Variants in RGP1 observed in about 807,000 individuals in gnomAD.
RGP1 encodes RGP1 partner of RAB6A GEF complex, also known as RAB6A-GEF complex partner protein 2.
In RGP1, 28 loss-of-function variants were observed where a neutral mutation model predicts 44.5. That is an observed-to-expected ratio of 0.63 (90% CI 0.47 to 0.86). The LOEUF is 0.86. Among genes scored for constraint, RGP1 ranks in the 40% least tolerant of loss-of-function variants. The pLI is 0.00. For synonymous variants in RGP1, 212 were observed against 196.7 expected (o/e 1.08, Z -0.65); for missense variants, 417 against 490.7 (o/e 0.85, Z 1.42).
the RGP1 span, among the ~76,000 whole-genome samples, chr9:35,788,851 T>A: frequency 6.6e-6 from 1 of 152,178 alleles, no homozygotes; most frequent in African/African-American, 2.4e-5. Context: ...AAGTTCTCAT[T>A]TATTTAATAT....
Position 35,753,691 on chromosome 9 carries a change from G to T in RGP1, c.*817G>T. 6 of 1,614,126 alleles carry T rather than the reference G, an allele frequency of 3.7e-6. No individual in the cohort carries two copies. The highest frequency in any genetic ancestry group is 1.1e-5 in the South Asian group (1 of 91,060). On this transcript the variant is annotated 3_prime_UTR_variant, in exon 9 of 9. Transcript: ENST00000378078. The surrounding 1 kb of genome is among the most constrained non-coding windows in gnomAD (Gnocchi z 4.2). ...CAGCAGCCCACGCCAACAGGATGCA[G>T]ACAGGTGCAATGGAAACAGTCCTTG...
intron 6 of RGP1, 88 bp from the exon 7 acceptor site, chr9:35,751,539 A>G: frequency 6.2e-7 from 1 of 1,601,618 alleles, no homozygotes; most frequent in Non-Finnish European, 8.5e-7. Context: ...AATTTTAAAG[A>G]AAAGCCCCAT....
the RGP1 span, among the ~76,000 whole-genome samples, chr9:35,779,240 C>T: frequency 6.6e-6 from 1 of 152,152 alleles, no homozygotes; most frequent in African/African-American, 2.4e-5. Flanking sequence ...ACCCCACCTC[C>T]ATTCCCAGGC....
In RGP1 at chr9:35,753,910, G is replaced by A. The variant is rs1393608144; in HGVS notation, c.*1036G>A. ...CTGTTTCACAGCTGGAGGAAGCCTG[G>A]GTATTTTGACACGGGATCATCTGTA... On this transcript the variant is annotated 3_prime_UTR_variant, in exon 9 of 9. Transcript: ENST00000378078. This position sits in a 1 kb window ranked among gnomAD's most constrained non-coding sequence, Gnocchi z 4.2. The A allele has an allele frequency of 1.1e-4, 168 of 1,555,744 alleles. 1 individual carries two copies. Among genetic ancestry groups the A allele is most frequent in the Non-Finnish European group, 1.4e-4 (165 of 1,144,652 alleles).
Position 35,753,588 on chromosome 9 carries a change from C to G in RGP1, c.*714C>G. ...CTGTTCATTCTTACATCACAGCAAT[C>G]TAGTCACTCCCTGGTCATCCCTCAG... On this transcript the variant is annotated 3_prime_UTR_variant, in exon 9 of 9. Transcript: ENST00000378078. The surrounding 1 kb of genome is among the most constrained non-coding windows in gnomAD (Gnocchi z 4.2). The G allele has an allele frequency of 1.6e-6, 2 of 1,282,668 alleles. No homozygotes were observed. Among genetic ancestry groups the G allele is most frequent in the East Asian group, 4.9e-5 (2 of 40,890 alleles). The allele number at this position is 1,282,668 out of a possible 1,614,324, so 79.5% of individuals were successfully genotyped here. A position where few individuals can be genotyped will look rare whatever the true frequency, so the allele number is the denominator to read the frequency against.
In RGP1 at chr9:35,750,755, C is replaced by G. The variant is rs368922738; in HGVS notation, c.337+14C>G. On this transcript the variant is annotated intron_variant, in intron 4 of 8. Coordinates refer to ENST00000378078, the MANE Select transcript of RGP1 (RefSeq NM_001080496.3). The stretch of plus-strand genomic sequence containing the variant: ...AGTCCAAATCATGTGAGTGATTGTC[C>G]CCATCCCTGAATTGCCTTCTAAGTC... 3 of 1,613,824 alleles carry G rather than the reference C, an allele frequency of 1.9e-6. No homozygotes were observed. Among genetic ancestry groups the G allele is most frequent in the South Asian group, 2.2e-5 (2 of 91,082 alleles).
In RGP1 at chr9:35,753,572, C is replaced by T. The variant is rs2132036652; in HGVS notation, c.*698C>T. 1 of 1,138,152 alleles carries T rather than the reference C, an allele frequency of 8.8e-7. No individual in the cohort carries two copies. The highest frequency in any genetic ancestry group is 2.5e-5 in the East Asian group (1 of 39,426). The allele number at this position is 1,138,152 out of a possible 1,614,324, so 70.5% of individuals were successfully genotyped here. A position where few individuals can be genotyped will look rare whatever the true frequency, so the allele number is the denominator to read the frequency against. ...ATCTTGTATTGCTCTTCTGTTCATTCTTACATCACAGCAATCTAGTCACTC... is the reference window on the plus strand; with the variant it reads ...ATCTTGTATTGCTCTTCTGTTCATTTTTACATCACAGCAATCTAGTCACTC... On this transcript the variant is annotated 3_prime_UTR_variant, in exon 9 of 9. Transcript: ENST00000378078. This position sits in a 1 kb window ranked among gnomAD's most constrained non-coding sequence, Gnocchi z 4.2.
chr9:35,754,389 T>C lies in RGP1; in HGVS notation c.*1515T>C. The C allele has an allele frequency of 2.9e-6, 1 of 350,144 alleles. No homozygotes were observed. The allele number at this position is 350,144 out of a possible 1,614,324, so 21.7% of individuals were successfully genotyped here. A position where few individuals can be genotyped will look rare whatever the true frequency, so the allele number is the denominator to read the frequency against. ...GGTGAGGGCATGAAAACAAGAGGTC[T>C]AGCTTTAACAAGCTGTGAGAGCTGA... On this transcript the variant is annotated 3_prime_UTR_variant, in exon 9 of 9. Coordinates refer to ENST00000378078, the MANE Select transcript of RGP1 (RefSeq NM_001080496.3).
the RGP1 span, among the ~76,000 whole-genome samples, chr9:35,776,811 C>T: frequency 1.8e-3 from 272 of 151,622 alleles, 1 homozygote; most frequent in South Asian, 2.7e-3. Flanking sequence ...CTGGCTAACA[C>T]GGTGAAACCT....
At chr9:35,769,751 A>C in the RGP1 span, among the ~76,000 whole-genome samples, 2 of 152,164 alleles carry the variant, frequency 1.3e-5, no homozygotes, top group Admixed American at 1.3e-4. Context: ...ATGTGACGTG[A>C]GATGAGGCTG....
At chr9:35,782,562 C>G in the RGP1 span, among the ~76,000 whole-genome samples, 1 of 152,216 alleles carries the variant, frequency 6.6e-6, no homozygotes, top group African/African-American at 2.4e-5. Flanking sequence ...TTCTCCTGCT[C>G]AGTCTCCCAA....
rs992875602 is a variant in RGP1 at position 35,758,581 on chromosome 9, A to AG, written c.*5707_*5708insG. ...CAAATCTGGGTCAATTAATGAAAAA[A>AG]AAAAGAAAAGAAAAGAAAATGTCTT... is the stretch of plus-strand genomic sequence containing the variant. On this transcript the variant is annotated 3_prime_UTR_variant, in exon 9 of 9. Coordinates refer to ENST00000378078, the MANE Select transcript of RGP1 (RefSeq NM_001080496.3). The AG allele has an allele frequency of 3.9e-5, 6 of 152,042 alleles. No homozygotes were observed. The highest frequency in any genetic ancestry group is 9.7e-5 in the African/African-American group (4 of 41,370). The allele number at this position is 152,042 out of a possible 1,614,324, so 9.4% of individuals were successfully genotyped here. A position where few individuals can be genotyped will look rare whatever the true frequency, so the allele number is the denominator to read the frequency against.
In RGP1 at chr9:35,750,982, G is replaced by A; in HGVS notation, c.480G>A (p.Val160=). ...TCAGAGTCCCTCTGAGGGTTCTTGT[G>A]CTGACTGGTAAGCAAGGGCTCCTGG... ...TLLRVPLRVL[V]LTGLQDVRFP... The change falls in exon 5 of 9, where the codon GTG becomes GTA. Residue 160 remains valine, a synonymous_variant. Coordinates refer to ENST00000378078, the MANE Select transcript of RGP1 (RefSeq NM_001080496.3). 6.2e-7 allele frequency: 1 copy of A among 1,613,702 alleles called. No individual in the cohort carries two copies. Among genetic ancestry groups the A allele is most frequent in the Non-Finnish European group, 8.5e-7 (1 of 1,179,880 alleles).
chr9:35,751,029 G>A (rs752226717), intron 5 of RGP1, 40 bp downstream of exon 5: 16 of 1,606,890 alleles, frequency 1.0e-5, no homozygotes, highest in African/African-American at 5.3e-5. Context: ...GGGGAAGGGC[G>A]ATGCCAAAGC....
chr9:35,749,828 A>G lies in RGP1; in HGVS notation c.73A>G (p.Thr25Ala). 6.2e-7 allele frequency: 1 copy of G among 1,613,758 alleles called. No homozygotes were observed. The highest frequency in any genetic ancestry group is 8.5e-7 in the Non-Finnish European group (1 of 1,179,774). Residue 25 changes from threonine to alanine, a missense_variant, in exon 2 of 9, where the codon ACC becomes GCC. Physicochemically the swap from Thr to Ala is moderately conservative, Grantham distance 58. Coordinates refer to ENST00000378078, the MANE Select transcript of RGP1 (RefSeq NM_001080496.3). This position sits in a 1 kb window ranked among gnomAD's most constrained non-coding sequence, Gnocchi z 4.4. ...TGGGGAGGCGCTGGAGTGTGTAGTG[A>G]CCGTCACCAACCCCCTTCCGCCCAC... ...LAGEALECVVTVTNPLPPTAT... is the reference protein window; with the variant it reads ...LAGEALECVVAVTNPLPPTAT...
the RGP1 span, among the ~76,000 whole-genome samples, chr9:35,774,882 T>A: frequency 6.6e-6 from 1 of 151,570 alleles, no homozygotes; most frequent in Non-Finnish European, 1.5e-5. Context: ...TCATCCCAAA[T>A]TTTGGTGGGG....
rs1399813624 is a variant in RGP1 at position 35,750,723 on chromosome 9, C to T, written c.319C>T (p.Pro107Ser). ...TCTATTCTGTGACCTGAGGCTTGATCCTGGAGAGTCCAAATCATGTGAGTG... is the reference window on the plus strand; with the variant it reads ...TCTATTCTGTGACCTGAGGCTTGATTCTGGAGAGTCCAAATCATGTGAGTG... ...KILFCDLRLD[P>S]GESKSYSYSE... Residue 107 changes from proline to serine, a missense_variant, in exon 4 of 9, where the codon CCT becomes TCT. By Grantham distance (74) the Pro-to-Ser change is moderately conservative. Transcript: ENST00000378078. The T allele has an allele frequency of 2.5e-6, 4 of 1,613,860 alleles. No homozygotes were observed. In the East Asian group the frequency reaches 6.7e-5, roughly 27 times the overall value.
the RGP1 span, among the ~76,000 whole-genome samples, chr9:35,789,329 CTTTTTTTTTTT>C: frequency 6.5e-5 from 9 of 137,674 alleles, no homozygotes; most frequent in Non-Finnish European, 1.4e-4. Context: ...CTTCCACTTC[CTTTTTTTTTTT>C]TTTTTTTTTT....
chr9:35,761,215 A>G (rs1827413481), downstream of RGP1, among the ~76,000 whole-genome samples: 1 of 152,238 alleles, frequency 6.6e-6, no homozygotes, highest in African/African-American at 2.4e-5. Flanking sequence ...TGGAATCAGG[A>G]TGCTTCTCTT....
Sources: gnomAD v4.1 joint callset for allele counts (sites outside exome capture counted in the v4.1 genomes callset) on GRCh38, gnomAD v4.1.1 for gene constraint, Gnocchi (gnomAD v3.1) non-coding constraint, MANE v1.5 for transcripts, NCBI Gene and HGNC (gene_info 2026-07-23, HGNC 2026-07-21) for gene names.